Variants in PTPRD observed in about 807,000 individuals in gnomAD.
PTPRD encodes receptor-type tyrosine-protein phosphatase delta.
PTPRD carries 34 observed loss-of-function variants against 214.5 expected under a neutral mutation model. The ratio of observed to expected loss-of-function variants is 0.16; its 90% CI spans 0.12 to 0.21. The LOEUF (loss-of-function observed/expected upper bound fraction) is 0.21, where lower values mean the gene tolerates loss of function less well. Ranked by LOEUF, PTPRD falls within the 10% of genes least tolerant of loss-of-function variation. The pLI is 1.00. For synonymous variants in PTPRD, 1,128 were observed against 845.7 expected, an observed-to-expected ratio of 1.33 and a Z score of -5.79; for missense variants, 2,545 against 2,398.7, an observed-to-expected ratio of 1.06 and a Z score of -1.27.
chr9:9,442,314 T>G (rs767047898), intron 8 of PTPRD: 1 of 152,238 alleles, frequency 6.6e-6, no homozygotes, highest in East Asian at 1.9e-4. Flanking sequence ...ATGCTACTGG[T>G]GTCCCCTAAT....
chr9:10,400,479 G>C (rs1349977972), intron 2 of PTPRD, among the ~76,000 whole-genome samples: 1 of 151,494 alleles, frequency 6.6e-6, no homozygotes, highest in Non-Finnish European at 1.5e-5. Flanking sequence ...GCCATAGCTA[G>C]CACCAAAAGT....
At chr9:9,221,260 A>G (rs2099955799) in intron 9 of PTPRD, among the ~76,000 whole-genome samples, 2 of 152,144 alleles carry the variant, frequency 1.3e-5, no homozygotes, top group Non-Finnish European at 2.9e-5. Flanking sequence ...ATCAATGATG[A>G]TGCATGACAT....
At chr9:9,717,878 TTA>T (rs1347418027) in intron 7 of PTPRD, among the ~76,000 whole-genome samples, 7 of 151,974 alleles carry the variant, frequency 4.6e-5, no homozygotes, top group African/African-American at 4.8e-5. Context: ...AAAATATATA[TTA>T]TTATAGGAAT....
chr9:10,217,258 T>G (rs139345726), intron 3 of PTPRD, among the ~76,000 whole-genome samples: 7 of 151,848 alleles, frequency 4.6e-5, no homozygotes, highest in African/African-American at 1.4e-4. Flanking sequence ...AGCATTACAT[T>G]TTATTGGCCT....
intron 11 of PTPRD, among the ~76,000 whole-genome samples, chr9:8,768,376 C>T (rs1384994411): frequency 6.6e-6 from 1 of 152,084 alleles, no homozygotes; most frequent in Non-Finnish European, 1.5e-5. Flanking sequence ...CATGGCAAAA[C>T]CTTGTCTCTA....
rs370998365 is a variant in PTPRD, at chr9:10,157,931, C to T, written c.-544-124141G>A. ...TCTTCCTTTGGCTTGTTCTATTGTG[C>T]TACTAATACCGGTGATTGCATTGTG... On this transcript the variant is annotated intron_variant, in intron 3 of 45. Coordinates refer to ENST00000381196, the MANE Select transcript of PTPRD (RefSeq NM_002839.4). 7.2e-5 allele frequency among the ~76,000 whole-genome samples: 11 copies of T among 152,226 alleles called. 1 individual carries two copies. Among genetic ancestry groups the T allele is most frequent in the African/African-American group, 2.4e-4 (10 of 41,548 alleles).
rs979181285 is a variant in PTPRD, at chr9:9,268,447, T to A, written c.-202-85084A>T. Reference sequence around the variant, plus strand: ...TCAAAACATACTTCTCAAAGAGATATACAGATTTAATGCATTTTTTTAAAT... The same window carrying A: ...TCAAAACATACTTCTCAAAGAGATAAACAGATTTAATGCATTTTTTTAAAT... On this transcript the variant is annotated intron_variant, in intron 9 of 45. Transcript: ENST00000381196. Among the ~76,000 whole-genome samples, 6 of 151,086 alleles carry A rather than the reference T, an allele frequency of 4.0e-5. 1 individual carries two copies. The highest frequency in any genetic ancestry group is 4.0e-4 in the Admixed American group (6 of 15,130).
intron 5 of PTPRD, among the ~76,000 whole-genome samples, chr9:9,860,942 G>C (rs555568583): frequency 1.3e-5 from 2 of 152,202 alleles, no homozygotes; most frequent in South Asian, 2.1e-4. Flanking sequence ...ATGCAGTTTT[G>C]GGAAAAAGCT....
intron 44 of PTPRD, among the ~76,000 whole-genome samples, chr9:8,324,743 C>T (rs1414353059): frequency 6.6e-6 from 1 of 152,152 alleles, no homozygotes; most frequent in Non-Finnish European, 1.5e-5. Context: ...CCTATTTCTC[C>T]ACATCCTCCC....
intron 9 of PTPRD, among the ~76,000 whole-genome samples, chr9:9,352,673 C>A (rs775384973): frequency 3.3e-5 from 5 of 151,768 alleles, no homozygotes; most frequent in African/African-American, 9.7e-5. Context: ...AATGTAGAAA[C>A]GTGTAAGCAT....
chr9:9,698,800 G>C (rs1017015255), intron 7 of PTPRD, among the ~76,000 whole-genome samples: 1 of 152,050 alleles, frequency 6.6e-6, no homozygotes, highest in African/African-American at 2.4e-5. Context: ...CCACCTACTT[G>C]GTGCCTGGAA....
intron 11 of PTPRD, among the ~76,000 whole-genome samples, chr9:8,878,991 G>C (rs1217517410): frequency 6.6e-6 from 1 of 152,132 alleles, no homozygotes; most frequent in East Asian, 1.9e-4. Flanking sequence ...AGGCTTTCCT[G>C]GTCAGTAACA....
intron 7 of PTPRD, among the ~76,000 whole-genome samples, chr9:9,588,412 G>C (rs680102): frequency 0.31 from 47,068 of 151,734 alleles, 7,760 homozygotes; most frequent in Non-Finnish European, 0.36. Context: ...TTGAAGACAT[G>C]TCTCTGGGAG....
At chr9:10,249,976 T>C (rs554148177) in intron 3 of PTPRD, among the ~76,000 whole-genome samples, 1 of 152,326 alleles carries the variant, frequency 6.6e-6, no homozygotes, top group South Asian at 2.1e-4. Flanking sequence ...AAAATGTTGA[T>C]TTTGATGTTA....
In PTPRD at chr9:9,984,022, A is replaced by C. The variant is rs540152551; in HGVS notation, c.-471-45412T>G. 2.6e-5 allele frequency among the ~76,000 whole-genome samples: 4 copies of C among 152,310 alleles called. No homozygotes were observed. The East Asian group carries it at 7.7e-4, about 29-fold the overall frequency. On this transcript the variant is annotated intron_variant, in intron 4 of 45. Coordinates refer to ENST00000381196, the MANE Select transcript of PTPRD (RefSeq NM_002839.4). The stretch of plus-strand genomic sequence containing the variant: ...ATCAGATATCGAAGTAAAACAAAAA[A>C]ATTGAGAAGCAGTAGCAGTGATTGG...
chr9:9,651,381 C>T (rs550746314), intron 7 of PTPRD, among the ~76,000 whole-genome samples: 128 of 152,238 alleles, frequency 8.4e-4, no homozygotes, highest in African/African-American at 3.0e-3. Flanking sequence ...TTTCCTGAAC[C>T]TCTTCCTCCT....
At chr9:8,554,663 T>TGG (rs2083179628) in intron 14 of PTPRD, among the ~76,000 whole-genome samples, 1 of 152,184 alleles carries the variant, frequency 6.6e-6, no homozygotes, top group Non-Finnish European at 1.5e-5. Flanking sequence ...AGAAATACAA[T>TGG]TTTATAATGG....
At chr9:9,553,524 T>C (rs552214203) in intron 8 of PTPRD, among the ~76,000 whole-genome samples, 1 of 152,198 alleles carries the variant, frequency 6.6e-6, no homozygotes, top group South Asian at 2.1e-4. Flanking sequence ...CTCGGATTTT[T>C]TTTTTCCACA....
intron 10 of PTPRD, among the ~76,000 whole-genome samples, chr9:9,132,251 C>T (rs752751068): frequency 1.4e-4 from 21 of 152,112 alleles, no homozygotes; most frequent in African/African-American, 2.2e-4. Flanking sequence ...CCTTGTGATC[C>T]GCCCGCTTCG....
Sources: gnomAD v4.1 joint callset for allele counts (sites outside exome capture counted in the v4.1 genomes callset) on GRCh38, gnomAD v4.1.1 for gene constraint, MANE v1.5 for transcripts, NCBI Gene and HGNC (gene_info 2026-07-23, HGNC 2026-07-21) for gene names.